DDAH1: variants seen among roughly 807,000 people sequenced by gnomAD.
DDAH1 encodes dimethylarginine dimethylaminohydrolase 1.
In DDAH1, 19 loss-of-function variants were observed where a neutral mutation model predicts 28.8. The ratio of observed to expected loss-of-function variants is 0.66; its 90% CI spans 0.46 to 0.97. The LOEUF (loss-of-function observed/expected upper bound fraction) is 0.97. DDAH1 is among the 50% of genes least tolerant of loss of function. The pLI is 0.00. For missense variants in DDAH1, 326 were observed against 375.9 expected (o/e 0.87, Z 1.10); for synonymous variants, 153 against 154.4 (o/e 0.99, Z 0.07).
chr1:85,370,241 T>G (rs1005609029), intron 1 of DDAH1, among the ~76,000 whole-genome samples: 2 of 152,190 alleles, frequency 1.3e-5, no homozygotes, highest in African/African-American at 4.8e-5. Context: ...GATGGCCATC[T>G]GCAAGCCAGG....
chr1:85,464,869 C>A lies in DDAH1; in HGVS notation c.177G>T (p.Gly59=). Residue 59 remains glycine, a synonymous_variant, in exon 1 of 6, where the codon GGG becomes GGT. Coordinates refer to ENST00000284031, the MANE Select transcript of DDAH1 (RefSeq NM_012137.4). The surrounding 1 kb of genome is among the most constrained non-coding windows in gnomAD (Gnocchi z 4.4). ...CGGCCGGCAGCTCCACCACCTGCAGCCCCAGCTTGCTGCCCAGCACGCCCA... is the reference window on the plus strand; with the variant it reads ...CGGCCGGCAGCTCCACCACCTGCAGACCCAGCTTGCTGCCCAGCACGCCCA... ...LYVGVLGSKL[G]LQVVELPADE... is the part of the protein sequence containing the mutation. 1 of 1,584,654 alleles carries A rather than the reference C, an allele frequency of 6.3e-7. No individual in the cohort carries two copies. The highest frequency in any genetic ancestry group is 8.5e-7 in the Non-Finnish European group (1 of 1,174,022).
chr1:85,432,825 A>G (rs990916), intron 1 of DDAH1, among the ~76,000 whole-genome samples: 20,040 of 152,222 alleles, frequency 0.13, 1,590 homozygotes, highest in South Asian at 0.29. Flanking sequence ...CTGGTATTTC[A>G]GCATCTTGAA....
At chr1:85,442,679 C>T (rs1654255156) in intron 1 of DDAH1, among the ~76,000 whole-genome samples, 1 of 152,202 alleles carries the variant, frequency 6.6e-6, no homozygotes, top group Non-Finnish European at 1.5e-5. Flanking sequence ...TCCACATCCT[C>T]TCCAGCACCT....
chr1:85,392,149 C>G (rs955401520), intron 1 of DDAH1, among the ~76,000 whole-genome samples: 2 of 152,050 alleles, frequency 1.3e-5, no homozygotes, highest in Admixed American at 6.5e-5. Flanking sequence ...AGTTCTGGAG[C>G]CTAGCAACTT....
chr1:85,569,289 G>C (rs997562660), intron 1 of DDAH1, among the ~76,000 whole-genome samples: 2 of 152,184 alleles, frequency 1.3e-5, no homozygotes, highest in Non-Finnish European at 2.9e-5. Context: ...GAAGCAGTCT[G>C]CCCATTCTTT....
intron 1 of DDAH1, among the ~76,000 whole-genome samples, chr1:85,454,368 C>T (rs1654792717): frequency 6.6e-6 from 1 of 152,218 alleles, no homozygotes; most frequent in African/African-American, 2.4e-5. Context: ...TCCAAACAGT[C>T]AGGAAACCAT....
intron 1 of DDAH1, among the ~76,000 whole-genome samples, chr1:85,360,511 T>C (rs233099): frequency 0.35 from 52,826 of 152,108 alleles, 9,282 homozygotes; most frequent in South Asian, 0.4. Context: ...ACATCTCTGC[T>C]TCTTTGTCCA....
intron 1 of DDAH1, among the ~76,000 whole-genome samples, chr1:85,392,494 G>T (rs1369086239): frequency 6.6e-6 from 1 of 152,088 alleles, no homozygotes; most frequent in East Asian, 1.9e-4. Flanking sequence ...CTGAGCTCTT[G>T]TTAGAAAATG....
At chr1:85,387,920 T>C (rs1038702637) in intron 1 of DDAH1, among the ~76,000 whole-genome samples, 1 of 152,126 alleles carries the variant, frequency 6.6e-6, no homozygotes, top group African/African-American at 2.4e-5. Context: ...AGAGGAGTCA[T>C]TGTGTGCAGA....
chr1:85,396,228 C>G (rs1651808075), intron 1 of DDAH1, among the ~76,000 whole-genome samples: 1 of 152,098 alleles, frequency 6.6e-6, no homozygotes, highest in African/African-American at 2.4e-5. Flanking sequence ...TTTAGAGCTG[C>G]TATAAAGGAA....
Position 85,465,081 on chromosome 1 carries a change from A to G in DDAH1, c.-36T>C, listed in dbSNP as rs562727320. 1 of 1,216,648 alleles carries G rather than the reference A, an allele frequency of 8.2e-7. No individual in the cohort carries two copies. The highest frequency in any genetic ancestry group is 3.4e-5 in the East Asian group (1 of 29,606). 75.4% of individuals were successfully genotyped at this position (1,216,648 alleles called of 1,614,324 possible). ...GGCTTAGGGGCGGCGGCGGCGGCGG[A>G]GGCGGCCGGGTCCTGCCGCGGGCAG... On this transcript the variant is annotated 5_prime_UTR_variant, in exon 1 of 6. Coordinates refer to ENST00000284031, the MANE Select transcript of DDAH1 (RefSeq NM_012137.4).
intron 1 of DDAH1, among the ~76,000 whole-genome samples, chr1:85,540,201 A>G (rs948626718): frequency 1.3e-5 from 2 of 152,168 alleles, no homozygotes; most frequent in African/African-American, 2.4e-5. Flanking sequence ...TAAGTCAACA[A>G]TCTTTCCAAT....
chr1:85,546,781 A>G (rs891643631), intron 1 of DDAH1, among the ~76,000 whole-genome samples: 1 of 152,208 alleles, frequency 6.6e-6, no homozygotes, highest in Admixed American at 6.5e-5. Flanking sequence ...AGGAGAACTT[A>G]GAAAAAAGCA....
At chr1:85,372,861 GTC>G (rs964765632) in intron 1 of DDAH1, among the ~76,000 whole-genome samples, 2 of 152,054 alleles carry the variant, frequency 1.3e-5, no homozygotes, top group African/African-American at 4.8e-5. Flanking sequence ...AGGATCCATT[GTC>G]TCTCAAGCAG....
chr1:85,532,546 C>T (rs1199195188), intron 1 of DDAH1, among the ~76,000 whole-genome samples: 1 of 151,884 alleles, frequency 6.6e-6, no homozygotes, highest in Non-Finnish European at 1.5e-5. Context: ...CTGCCATGTG[C>T]TTTACCTAGA....
At chr1:85,403,299 A>G (rs985104962) in intron 1 of DDAH1, among the ~76,000 whole-genome samples, 1 of 152,040 alleles carries the variant, frequency 6.6e-6, no homozygotes, top group African/African-American at 2.4e-5. Flanking sequence ...GTATGTATAT[A>G]TATGTATGTA....
intron 1 of DDAH1, among the ~76,000 whole-genome samples, chr1:85,568,836 A>C (rs559967274): frequency 6.6e-6 from 1 of 152,204 alleles, no homozygotes; most frequent in African/African-American, 2.4e-5. Flanking sequence ...CCAGTGTGAC[A>C]AGAAGACTTC....
At chr1:85,501,174 G>C (rs1228479569) in intron 1 of DDAH1, among the ~76,000 whole-genome samples, 1 of 152,156 alleles carries the variant, frequency 6.6e-6, no homozygotes, top group Non-Finnish European at 1.5e-5. Flanking sequence ...TGGATTTAAA[G>C]AGTGTTAAGT....
At chr1:85,476,953 A>C (rs1655825443) in intron 2 of DDAH1, among the ~76,000 whole-genome samples, 1 of 152,214 alleles carries the variant, frequency 6.6e-6, no homozygotes, top group South Asian at 2.1e-4. Context: ...AGAGACAGCT[A>C]TGAATCAAAC....
Sources: gnomAD v4.1 joint callset for allele counts (sites outside exome capture counted in the v4.1 genomes callset) on GRCh38, gnomAD v4.1.1 for gene constraint, Gnocchi (gnomAD v3.1) non-coding constraint, MANE v1.5 for transcripts, NCBI Gene and HGNC (gene_info 2026-07-23, HGNC 2026-07-21) for gene names.